DLGAP4: variants seen among roughly 807,000 people sequenced by gnomAD.
DLGAP4 encodes the protein DLG associated protein 4.
DLGAP4 carries 18 observed loss-of-function variants against 86.9 expected under a neutral mutation model. The observed-to-expected ratio is 0.21, with a 90% CI of 0.14 to 0.31. The LOEUF (loss-of-function observed/expected upper bound fraction) is 0.31. DLGAP4 is among the 10% of genes least tolerant of loss of function. The pLI is 1.00. For missense variants in DLGAP4, 1,085 were observed against 1,362.6 expected (o/e 0.80, Z 3.21); for synonymous variants, 548 against 574.3 (o/e 0.95, Z 0.65).
At chr20:36,499,234 G>T (rs566349598) in intron 8 of DLGAP4, 3 of 1,608,394 alleles carry the variant, frequency 1.9e-6, no homozygotes, top group African/African-American at 2.7e-5. Flanking sequence ...TCTCTGATGC[G>T]TGTGAAGGAG....
chr20:36,519,569 T>C (rs1416339326), intron 10 of DLGAP4, among the ~76,000 whole-genome samples: 1 of 152,182 alleles, frequency 6.6e-6, no homozygotes, highest in Non-Finnish European at 1.5e-5. Context: ...CGTACAAGTA[T>C]CTGTTTAAGT....
chr20:36,461,566 C>T lies in DLGAP4; in HGVS notation c.1648+14629C>T, dbSNP rs1297939233. On this transcript the variant is annotated intron_variant, in intron 7 of 12. Coordinates refer to ENST00000339266, the MANE Select transcript of DLGAP4 (RefSeq NM_001365621.2). ...CCGCCAGTCCGTCCGTCTGTCCGGTCCACGTCGTCGCTGCCGCCTCCTCAG... is the reference window on the plus strand; with the variant it reads ...CCGCCAGTCCGTCCGTCTGTCCGGTTCACGTCGTCGCTGCCGCCTCCTCAG... 5.3e-5 allele frequency: 51 copies of T among 968,364 alleles called. No individual in the cohort carries two copies. In the African/African-American group the frequency reaches 8.3e-4, roughly 16 times the overall value. The allele number at this position is 968,364 out of a possible 1,614,324, so 60.0% of individuals were successfully genotyped here. A position where few individuals can be genotyped will look rare whatever the true frequency, so the allele number is the denominator to read the frequency against.
intron 2 of DLGAP4, among the ~76,000 whole-genome samples, chr20:36,372,449 A>G (rs1327744041): frequency 7.0e-6 from 1 of 141,920 alleles, no homozygotes; most frequent in African/African-American, 2.7e-5. Flanking sequence ...CCTCCCCATC[A>G]CCTCCCTCAC....
At chr20:36,461,869 C>G (rs2034095370) in intron 7 of DLGAP4, 1 of 984,756 alleles carries the variant, frequency 1.0e-6, no homozygotes, top group Non-Finnish European at 1.2e-6. Context: ...TCTGCCCTCG[C>G]GCTCCTCCGC....
At chr20:36,353,936 C>T (rs1420361780) in intron 1 of DLGAP4, among the ~76,000 whole-genome samples, 1 of 152,230 alleles carries the variant, frequency 6.6e-6, no homozygotes, top group Non-Finnish European at 1.5e-5. Context: ...CCTAAGGTCA[C>T]CCAGCAAATG....
intron 7 of DLGAP4, among the ~76,000 whole-genome samples, chr20:36,448,115 G>C (rs1254270571): frequency 1.3e-5 from 2 of 152,008 alleles, no homozygotes; most frequent in Admixed American, 1.3e-4. Context: ...CAACACTTTG[G>C]GGGGCCGAGG....
intron 7 of DLGAP4, chr20:36,462,335 C>T (rs1462176515): frequency 5.9e-6 from 8 of 1,361,844 alleles, no homozygotes; most frequent in African/African-American, 1.5e-5. Context: ...TCGGGGTCCC[C>T]TGCTTTGCTC....
chr20:36,377,663 C>T (rs999248572), intron 2 of DLGAP4, among the ~76,000 whole-genome samples: 8 of 152,158 alleles, frequency 5.3e-5, no homozygotes, highest in African/African-American at 1.9e-4. Flanking sequence ...GTCTCCAGCT[C>T]CCCCTTCAAC....
At chr20:36,351,892 G>A (rs1197879097) in intron 1 of DLGAP4, among the ~76,000 whole-genome samples, 1 of 152,130 alleles carries the variant, frequency 6.6e-6, no homozygotes, top group Non-Finnish European at 1.5e-5. Flanking sequence ...TAGAAATGGG[G>A]GCTCCTCCAA....
intron 7 of DLGAP4, among the ~76,000 whole-genome samples, chr20:36,476,687 A>AT (rs74173983): frequency 0.62 from 56,993 of 91,506 alleles, 17,481 homozygotes; most frequent in East Asian, 0.66. Flanking sequence ...CACTAGCCCA[A>AT]TTTTTTTTTT....
intron 1 of DLGAP4, among the ~76,000 whole-genome samples, chr20:36,346,760 C>T (rs953286895): frequency 4.6e-5 from 7 of 152,124 alleles, no homozygotes; most frequent in South Asian, 4.1e-4. Flanking sequence ...TTCCCCTCTA[C>T]TCCAGTTCTT....
chr20:36,432,119 G>A lies in DLGAP4; in HGVS notation c.402G>A (p.Glu134=). 2 of 1,614,198 alleles carry A rather than the reference G, an allele frequency of 1.2e-6. No individual in the cohort carries two copies. The highest frequency in any genetic ancestry group is 1.7e-6 in the Non-Finnish European group (2 of 1,180,046). Reference sequence around the variant, plus strand: ...GTGGCGAGGCCAAGGCCCGTGGTGAGAGCCCTGGCCGCATCCGCCACCTGG... The same window carrying A: ...GTGGCGAGGCCAAGGCCCGTGGTGAAAGCCCTGGCCGCATCCGCCACCTGG... The part of the protein sequence containing the change: ...FPRGEAKARG[E]SPGRIRHLVH... The change falls in exon 3 of 13, where the codon GAG becomes GAA. Residue 134 remains glutamate (E), a synonymous_variant. Transcript: ENST00000339266. This position sits in a 1 kb window ranked among gnomAD's most constrained non-coding sequence, Gnocchi z 6.5.
chr20:36,480,709 C>G (rs1441940508), intron 7 of DLGAP4, among the ~76,000 whole-genome samples: 2 of 151,970 alleles, frequency 1.3e-5, no homozygotes, highest in African/African-American at 2.4e-5. Context: ...AACCCTGTCT[C>G]TAAACAAAAA....
chr20:36,502,272 T>C (rs970914324), intron 10 of DLGAP4, among the ~76,000 whole-genome samples: 1 of 152,242 alleles, frequency 6.6e-6, no homozygotes, highest in Non-Finnish European at 1.5e-5. Flanking sequence ...CGTTTTCTTC[T>C]TTTTACATTT....
At chr20:36,451,952 G>T (rs1404892320) in intron 7 of DLGAP4, among the ~76,000 whole-genome samples, 2 of 151,652 alleles carry the variant, frequency 1.3e-5, no homozygotes. Context: ...TAGAGACAGG[G>T]TTTCTCCCTG....
chr20:36,520,467 C>A (rs1378569209), intron 10 of DLGAP4, among the ~76,000 whole-genome samples: 1 of 151,676 alleles, frequency 6.6e-6, no homozygotes, highest in South Asian at 2.1e-4. Context: ...TGCCTCAGCA[C>A]CCCCGAGTAG....
chr20:36,333,094 T>G (rs1555891735), intron 1 of DLGAP4, among the ~76,000 whole-genome samples: 2 of 152,196 alleles, frequency 1.3e-5, no homozygotes, highest in Non-Finnish European at 2.9e-5. Context: ...TCTTAACGAC[T>G]GAACATTTGT....
At chr20:36,451,163 A>G (rs965277820) in intron 7 of DLGAP4, among the ~76,000 whole-genome samples, 3 of 152,138 alleles carry the variant, frequency 2.0e-5, no homozygotes, top group African/African-American at 7.2e-5. Context: ...ACCTACCTCA[A>G]ACATTTGATG....
At chr20:36,359,478 C>T (rs1600432055) in intron 1 of DLGAP4, among the ~76,000 whole-genome samples, 1 of 152,320 alleles carries the variant, frequency 6.6e-6, no homozygotes, top group East Asian at 1.9e-4. Flanking sequence ...AGCCCTGATC[C>T]TTCCGCAGGG....
Sources: allele counts gnomAD v4.1 joint callset (sites outside exome capture counted in the v4.1 genomes callset), GRCh38; gene constraint gnomAD v4.1.1; non-coding constraint Gnocchi (gnomAD v3.1); transcripts MANE v1.5; gene names NCBI Gene and HGNC (gene_info 2026-07-23, HGNC 2026-07-21).